Variants in ENPP3 observed in about 807,000 individuals in gnomAD.
The protein encoded by ENPP3 is ectonucleotide pyrophosphatase/phosphodiesterase 3.
In ENPP3, 104 loss-of-function variants were observed where a neutral mutation model predicts 117.8. The ratio of observed to expected loss-of-function variants is 0.88; its 90% CI spans 0.75 to 1.04. The LOEUF (loss-of-function observed/expected upper bound fraction) is 1.04, where lower values mean the gene tolerates loss of function less well. Ranked by LOEUF, ENPP3 falls within the 50% of genes least tolerant of loss-of-function variation. ENPP3 has a pLI of 0.00. For synonymous variants in ENPP3, 380 were observed against 349.9 expected, an observed-to-expected ratio of 1.09 and a Z score of -0.96; for missense variants, 1,026 against 1,051.9, an observed-to-expected ratio of 0.98 and a Z score of 0.34.
intron 11 of ENPP3, among the ~76,000 whole-genome samples, chr6:131,682,376 G>C (rs75959081): frequency 0.013 from 2,022 of 152,078 alleles, 43 homozygotes; most frequent in African/African-American, 0.045. Flanking sequence ...CACCTGTGGT[G>C]CTAGCTACTC....
At position 131,740,400 on chromosome 6, in the gene ENPP3, G is replaced by A; in HGVS notation, c.2457+20G>A. 2 of 1,519,518 alleles carry A rather than the reference G, an allele frequency of 1.3e-6. No homozygotes were observed. The highest frequency in any genetic ancestry group is 1.8e-6 in the Non-Finnish European group (2 of 1,130,890). 94.1% of individuals were successfully genotyped at this position (1,519,518 alleles called of 1,614,324 possible). ...TGTCCTGTGAGTATGCTTTGGGAGG[G>A]TCCAGGACCCGAGAAAATGAGTCAG... On this transcript the variant is annotated intron_variant, in intron 24 of 24. Transcript: ENST00000357639.
chr6:131,719,848 G>A (rs3861468), intron 16 of ENPP3, among the ~76,000 whole-genome samples: 16,754 of 151,744 alleles, frequency 0.11, 1,321 homozygotes, highest in East Asian at 0.33. Context: ...CAGGAAGTTA[G>A]ACTTCATCTA....
At chr6:131,689,937 C>T (rs1477827688) in intron 14 of ENPP3, among the ~76,000 whole-genome samples, 1 of 152,058 alleles carries the variant, frequency 6.6e-6, no homozygotes, top group Non-Finnish European at 1.5e-5. Flanking sequence ...TAACTACAGT[C>T]GTGGTAAAAA....
intron 18 of ENPP3, among the ~76,000 whole-genome samples, 200 bp from the exon 19 acceptor site, chr6:131,723,840 C>G (rs1562474790): frequency 6.6e-6 from 1 of 151,836 alleles, no homozygotes; most frequent in Non-Finnish European, 1.5e-5. Context: ...CACACACACA[C>G]ACACACACAC....
intron 13 of ENPP3, 55 bp downstream of exon 13, chr6:131,685,550 A>G (rs1223874390): frequency 1.9e-6 from 3 of 1,552,738 alleles, no homozygotes; most frequent in African/African-American, 2.7e-5. Flanking sequence ...GTGAATAACC[A>G]TAGTCCACTA....
rs754599772 is a variant in ENPP3 at position 131,643,923 on chromosome 6, C to CTGTG, written c.154+2409_154+2412dup. ...GCCCAAAAGAAGGAATCAGGGTCGT[C>CTGTG]TGTGTGTGTGTGTGTGTGTCTGTGT... On this transcript the variant is annotated intron_variant, in intron 2 of 24. Coordinates refer to ENST00000357639, the MANE Select transcript of ENPP3 (RefSeq NM_005021.5). Among the ~76,000 whole-genome samples the CTGTG allele has an allele frequency of 4.9e-5, 7 of 142,316 alleles. No homozygotes were observed. The South Asian group carries it at 6.8e-4, about 14-fold the overall frequency. The allele number at this position is 142,316 out of a possible 152,430, so 93.4% of individuals were successfully genotyped here. A position where few individuals can be genotyped will look rare whatever the true frequency, so the allele number is the denominator to read the frequency against.
intron 1 of ENPP3, among the ~76,000 whole-genome samples, chr6:131,638,292 A>G (rs967472463): frequency 1.3e-5 from 2 of 152,122 alleles, no homozygotes; most frequent in Non-Finnish European, 2.9e-5. Context: ...TGACATTTTC[A>G]TTTTATGACT....
intron 12 of ENPP3, among the ~76,000 whole-genome samples, chr6:131,684,511 C>A (rs1234384000): frequency 6.6e-6 from 1 of 152,086 alleles, no homozygotes; most frequent in Admixed American, 6.5e-5. Context: ...GAAACCCCAT[C>A]TCTACTAAAA....
intron 24 of ENPP3, among the ~76,000 whole-genome samples, chr6:131,745,847 G>A (rs1171889197): frequency 4.6e-5 from 7 of 152,040 alleles, no homozygotes; most frequent in African/African-American, 7.2e-5. Context: ...GGCCGGGTGC[G>A]GTGGCTCATG....
At chr6:131,737,584 C>T (rs1562482814) in intron 22 of ENPP3, 152 bp downstream of exon 22, 1 of 510,878 alleles carries the variant, frequency 2.0e-6, no homozygotes, top group Non-Finnish European at 3.4e-6. Flanking sequence ...AAGGATCCCT[C>T]ACATAGTTTC....
intron 6 of ENPP3, among the ~76,000 whole-genome samples, chr6:131,668,338 CT>C (rs147235075): frequency 0.083 from 12,576 of 151,284 alleles, 852 homozygotes; most frequent in East Asian, 0.32. Flanking sequence ...TCGCCCCCCC[CT>C]GAGGATCTGG....
chr6:131,727,678 A>G (rs1426769468), intron 20 of ENPP3, among the ~76,000 whole-genome samples: 7 of 152,102 alleles, frequency 4.6e-5, no homozygotes, highest in Non-Finnish European at 8.8e-5. Flanking sequence ...AGAATTGTCC[A>G]GTAAGTGCTT....
At chr6:131,702,238 C>T (rs1195944771) in intron 15 of ENPP3, among the ~76,000 whole-genome samples, 1 of 151,838 alleles carries the variant, frequency 6.6e-6, no homozygotes, top group Non-Finnish European at 1.5e-5. Flanking sequence ...TAAGTTTAAT[C>T]TTAAAGTGGA....
In ENPP3 at chr6:131,732,234, A is replaced by T. The variant is rs1479164568; in HGVS notation, c.1954-1354A>T. 2.6e-5 allele frequency among the ~76,000 whole-genome samples: 4 copies of T among 152,204 alleles called. No individual in the cohort carries two copies. In the East Asian group the frequency reaches 7.7e-4, roughly 29 times the overall value. Reference sequence around the variant, plus strand: ...GGGCAGTAGAGAGCATACAAATCAAAATGTCTGAGAAAAATAAACAAATAG... The same window carrying T: ...GGGCAGTAGAGAGCATACAAATCAATATGTCTGAGAAAAATAAACAAATAG... On this transcript the variant is annotated intron_variant, in intron 20 of 24. Coordinates refer to ENST00000357639, the MANE Select transcript of ENPP3 (RefSeq NM_005021.5).
At chr6:131,739,520 T>C (rs1347026105) in intron 23 of ENPP3, among the ~76,000 whole-genome samples, 1 of 151,794 alleles carries the variant, frequency 6.6e-6, no homozygotes, top group African/African-American at 2.4e-5. Flanking sequence ...GCTTCTGCTG[T>C]ATTAGTAAAC....
Position 131,709,823 on chromosome 6 carries a change from A to G in ENPP3, c.1413-8849A>G, listed in dbSNP as rs534734969. ...TTTTCCTCCACTGTTAATTTCCTGT[A>G]GAGTTTCATTTCATTTTCTTGATAG... On this transcript the variant is annotated intron_variant, in intron 15 of 24. Transcript: ENST00000357639. The G allele has an allele frequency of 7.1e-5, 114 of 1,608,824 alleles. No individual in the cohort carries two copies. In the African/African-American group the frequency reaches 1.4e-3, roughly 20 times the overall value.
intron 1 of ENPP3, 28 bp from the exon 2 acceptor site, chr6:131,641,427 A>G (rs759104732): frequency 3.9e-6 from 6 of 1,522,674 alleles, no homozygotes; most frequent in South Asian, 1.1e-5. Context: ...AAAAAATTAT[A>G]AAAGTTACTT....
intron 24 of ENPP3, among the ~76,000 whole-genome samples, chr6:131,743,203 T>A (rs556721355): frequency 1.3e-5 from 2 of 152,074 alleles, no homozygotes; most frequent in South Asian, 4.2e-4. Flanking sequence ...CGATAGATTA[T>A]CTTTTGTTTT....
intron 2 of ENPP3, among the ~76,000 whole-genome samples, chr6:131,646,268 A>G (rs901208964): frequency 1.5e-5 from 2 of 132,062 alleles, no homozygotes; most frequent in Non-Finnish European, 3.1e-5. Context: ...TGAGGCTCTC[A>G]ATACTCTGTG....
Sources: allele counts gnomAD v4.1 joint callset (sites outside exome capture counted in the v4.1 genomes callset), GRCh38; gene constraint gnomAD v4.1.1; transcripts MANE v1.5; gene names NCBI Gene and HGNC (gene_info 2026-07-23, HGNC 2026-07-21).